HERC4: variants seen among roughly 807,000 people sequenced by gnomAD.
HERC4 encodes the protein HECT and RLD domain containing E3 ubiquitin protein ligase 4, also known as probable E3 ubiquitin-protein ligase HERC4.
Under a neutral mutation model 124.3 loss-of-function variants are expected in HERC4, and 28 were observed. The observed-to-expected ratio is 0.23, with a 90% CI of 0.17 to 0.31. HERC4 has a LOEUF of 0.31. Ranked by LOEUF, HERC4 falls within the 10% of genes least tolerant of loss-of-function variation. HERC4 has a pLI of 1.00. For synonymous variants in HERC4, 407 were observed against 421.5 expected (o/e 0.97, Z 0.42); for missense variants, 713 against 1,229.3 (o/e 0.58, Z 6.28).
chr10:68,045,043 C>G (rs1028019437), intron 3 of HERC4, among the ~76,000 whole-genome samples: 1 of 152,148 alleles, frequency 6.6e-6, no homozygotes, highest in Admixed American at 6.6e-5. Context: ...GAAACAGGCA[C>G]GGTGTGCTGG....
intron 3 of HERC4, among the ~76,000 whole-genome samples, chr10:68,048,150 C>T (rs593024): frequency 0.53 from 80,649 of 151,748 alleles, 25,425 homozygotes; most frequent in African/African-American, 0.86. Context: ...AACTCCTGGG[C>T]TCAAGTGCTC....
intron 20 of HERC4, among the ~76,000 whole-genome samples, chr10:67,940,480 C>T (rs1239716257): frequency 2.6e-5 from 4 of 151,678 alleles, no homozygotes; most frequent in East Asian, 1.9e-4. Flanking sequence ...AGTGAAATGG[C>T]GCAATCTGGG....
chr10:67,964,313 A>G (rs527797905), intron 16 of HERC4, among the ~76,000 whole-genome samples: 1 of 151,994 alleles, frequency 6.6e-6, no homozygotes, highest in South Asian at 2.1e-4. Context: ...TTCACTTTTA[A>G]ATTTTGGTTT....
intron 15 of HERC4, among the ~76,000 whole-genome samples, chr10:67,974,920 G>T (rs577681601): frequency 6.6e-6 from 1 of 152,328 alleles, no homozygotes; most frequent in African/African-American, 2.4e-5. Flanking sequence ...GCTGGGCGCA[G>T]TGGCTCATGC....
At chr10:67,943,254 T>C (rs1479418076) in intron 19 of HERC4, among the ~76,000 whole-genome samples, 1 of 152,250 alleles carries the variant, frequency 6.6e-6, no homozygotes, top group African/African-American at 2.4e-5. Flanking sequence ...TAGAGCAGAC[T>C]GATTAATGTG....
intron 22 of HERC4, among the ~76,000 whole-genome samples, chr10:67,935,274 T>A (rs1389164045): frequency 6.6e-6 from 1 of 151,864 alleles, no homozygotes; most frequent in African/African-American, 2.4e-5. Context: ...GCCTCCCGAG[T>A]AGCTGGAACT....
rs769442828 is a variant in HERC4, at chr10:67,954,979, T to C, written c.2177A>G (p.Tyr726Cys). ...TCAAATTACCTTGAGTGGCTTCTTG[T>C]AATCTATGTTCTTTGTTTTCCTAAG... is the stretch of plus-strand genomic sequence containing the variant. ...EVLRKTKNID[Y>C]KKPLKVIFVG... Residue 726 changes from tyrosine to cysteine, a missense_variant, in exon 18 of 25, where the codon TAC becomes TGC. Physicochemically the swap from Tyr to Cys is radical, Grantham distance 194. Coordinates refer to ENST00000373700, the MANE Select transcript of HERC4 (RefSeq NM_015601.4). The C allele has an allele frequency of 6.2e-7, 1 of 1,601,148 alleles. No homozygotes were observed. The highest frequency in any genetic ancestry group is 1.8e-5 in the Admixed American group (1 of 56,806).
chr10:68,065,181 C>G (rs1042959090), intron 3 of HERC4, among the ~76,000 whole-genome samples: 1 of 151,978 alleles, frequency 6.6e-6, no homozygotes, highest in Non-Finnish European at 1.5e-5. Flanking sequence ...TAGAAAAGGT[C>G]TCAGGTGACA....
At chr10:67,932,023 T>C (rs1256158990) in intron 23 of HERC4, among the ~76,000 whole-genome samples, 2 of 152,098 alleles carry the variant, frequency 1.3e-5, no homozygotes, top group Non-Finnish European at 2.9e-5. Context: ...AGTGGCACAA[T>C]CTCAGCTCAC....
At chr10:67,949,790 G>A (rs2033663865) in intron 19 of HERC4, among the ~76,000 whole-genome samples, 1 of 152,186 alleles carries the variant, frequency 6.6e-6, no homozygotes. Context: ...GGCTGAGGCA[G>A]GTGGATCACT....
At chr10:67,947,220 A>G (rs1328373641) in intron 19 of HERC4, among the ~76,000 whole-genome samples, 1 of 152,222 alleles carries the variant, frequency 6.6e-6, no homozygotes, top group Non-Finnish European at 1.5e-5. Context: ...AGGCCACAAA[A>G]CAAGTCTTTA....
intron 7 of HERC4, among the ~76,000 whole-genome samples, chr10:68,029,145 T>C (rs1281161738): frequency 3.9e-5 from 6 of 151,924 alleles, no homozygotes; most frequent in African/African-American, 1.5e-4. Context: ...GCCACTGCAC[T>C]CCAACTTGAG....
intron 15 of HERC4, among the ~76,000 whole-genome samples, chr10:67,973,455 T>G (rs2035375246): frequency 6.6e-6 from 1 of 152,258 alleles, no homozygotes; most frequent in African/African-American, 2.4e-5. Flanking sequence ...CATCATTGTA[T>G]GCCAATGAGT....
intron 8 of HERC4, among the ~76,000 whole-genome samples, chr10:68,015,659 A>C (rs1361589795): frequency 6.6e-6 from 1 of 152,222 alleles, no homozygotes; most frequent in Non-Finnish European, 1.5e-5. Flanking sequence ...ACCCTCCCTC[A>C]GGAAGCAGCC....
intron 9 of HERC4, among the ~76,000 whole-genome samples, chr10:68,004,112 A>G (rs2037400246): frequency 6.6e-6 from 1 of 152,164 alleles, no homozygotes; most frequent in Non-Finnish European, 1.5e-5. Context: ...AGTACCTTTC[A>G]TATACCTGTT....
chr10:67,979,361 T>C (rs1344026414), intron 15 of HERC4, among the ~76,000 whole-genome samples: 1 of 151,736 alleles, frequency 6.6e-6, no homozygotes, highest in Non-Finnish European at 1.5e-5. Flanking sequence ...CTCAGAGTCT[T>C]TTAATAGGAG....
chr10:68,022,684 TAAAC>T (rs1434618855), intron 8 of HERC4, among the ~76,000 whole-genome samples: 2 of 151,512 alleles, frequency 1.3e-5, no homozygotes, highest in African/African-American at 4.8e-5. Context: ...AAAGAAAAAA[TAAAC>T]AAACTGGACT....
At chr10:68,002,637 C>T (rs1381283276) in intron 9 of HERC4, among the ~76,000 whole-genome samples, 1 of 132,166 alleles carries the variant, frequency 7.6e-6, no homozygotes, top group Non-Finnish European at 1.6e-5. Flanking sequence ...CTCACTCTGT[C>T]GCCAAGGCTG....
chr10:68,024,558 T>C (rs1296443766), intron 8 of HERC4, among the ~76,000 whole-genome samples: 1 of 152,008 alleles, frequency 6.6e-6, no homozygotes, highest in African/African-American at 2.4e-5. Flanking sequence ...AAAACATTAA[T>C]GAGGCCTAAT....
Sources: allele counts gnomAD v4.1 joint callset (sites outside exome capture counted in the v4.1 genomes callset), GRCh38; gene constraint gnomAD v4.1.1; transcripts MANE v1.5; gene names NCBI Gene and HGNC (gene_info 2026-07-23, HGNC 2026-07-21).